APBA1: variants seen among roughly 807,000 people sequenced by gnomAD.
The protein encoded by APBA1 is amyloid-beta A4 precursor protein-binding family A member 1.
A neutral mutation model predicts 86.6 loss-of-function variants in APBA1; 55 were observed. The ratio of observed to expected loss-of-function variants is 0.64; its 90% CI spans 0.51 to 0.80. The LOEUF is 0.80. Ranked by LOEUF, APBA1 falls within the 30% of genes least tolerant of loss-of-function variation. APBA1 has a pLI of 0.00. For missense variants in APBA1, 1,090 were observed against 1,183.0 expected (o/e 0.92, Z 1.15); for synonymous variants, 511 against 493.9 (o/e 1.03, Z -0.46).
At chr9:69,470,217 A>G (rs1404029830) in intron 4 of APBA1, among the ~76,000 whole-genome samples, 1 of 152,182 alleles carries the variant, frequency 6.6e-6, no homozygotes, top group Non-Finnish European at 1.5e-5. Context: ...TAAAAGCCCC[A>G]ATTTCATAAG....
chr9:69,447,213 A>T (rs1834924692), intron 10 of APBA1, among the ~76,000 whole-genome samples: 1 of 152,090 alleles, frequency 6.6e-6, no homozygotes, highest in South Asian at 2.1e-4. Flanking sequence ...TCACATTGGG[A>T]TTAGGGTTTC....
At chr9:69,629,410 T>A (rs771607786) in intron 1 of APBA1, among the ~76,000 whole-genome samples, 4 of 152,248 alleles carry the variant, frequency 2.6e-5, no homozygotes, top group Non-Finnish European at 5.9e-5. Flanking sequence ...TTCTGAGCAA[T>A]ATTTATTAAA....
At chr9:69,655,312 G>A (rs1237795852) in intron 1 of APBA1, among the ~76,000 whole-genome samples, 2 of 151,070 alleles carry the variant, frequency 1.3e-5, no homozygotes, top group Non-Finnish European at 1.5e-5. Flanking sequence ...ATACACATAT[G>A]TATGTGTGTA....
intron 1 of APBA1, among the ~76,000 whole-genome samples, chr9:69,551,382 T>G (rs946894514): frequency 1.9e-4 from 29 of 151,922 alleles, no homozygotes; most frequent in African/African-American, 6.5e-4. Flanking sequence ...TGAAACCCTG[T>G]CTCTACTAAA....
chr9:69,428,304 AC>A lies in APBA1; in HGVS notation c.*3022del, dbSNP rs1834523766. ...CAATGTTCAGAAAGCAAACCCGTGC[AC>A]AGGGACCCGGCACCCCTGCCATGCA... On this transcript the variant is annotated 3_prime_UTR_variant, in exon 13 of 13. Coordinates refer to ENST00000265381, the MANE Select transcript of APBA1 (RefSeq NM_001163.4). 1 of 152,274 alleles carries A rather than the reference AC, an allele frequency of 6.6e-6. No homozygotes were observed. Among genetic ancestry groups the A allele is most frequent in the South Asian group, 2.1e-4 (1 of 4,824 alleles). The allele number at this position is 152,274 out of a possible 1,614,324, so 9.4% of individuals were successfully genotyped here. A position where few individuals can be genotyped will look rare whatever the true frequency, so the allele number is the denominator to read the frequency against.
At chr9:69,628,249 C>T (rs957118261) in intron 1 of APBA1, among the ~76,000 whole-genome samples, 6 of 152,082 alleles carry the variant, frequency 3.9e-5, no homozygotes, top group African/African-American at 1.4e-4. Flanking sequence ...TAGCTTCTTC[C>T]CCAGCCAAGC....
chr9:69,449,380 A>G (rs550890886), intron 10 of APBA1, among the ~76,000 whole-genome samples: 5 of 152,266 alleles, frequency 3.3e-5, no homozygotes, highest in African/African-American at 9.6e-5. Context: ...CACTTCCCCT[A>G]ATCTAAATTG....
At chr9:69,515,691 GGGGGGGGGGGGGGC>G (rs1836125974) in intron 2 of APBA1, among the ~76,000 whole-genome samples, 1 of 6,458 alleles carries the variant, frequency 1.5e-4, no homozygotes, top group Non-Finnish European at 3.8e-4. Flanking sequence ...ATCAGAAACT[GGGGGGGGGGGGGGC>G]GGGGGGTGGA....
At chr9:69,554,850 GC>G (rs1836838294) in intron 1 of APBA1, among the ~76,000 whole-genome samples, 1 of 152,034 alleles carries the variant, frequency 6.6e-6, no homozygotes. Flanking sequence ...TTTTATGAGA[GC>G]TTTTTCTATT....
At chr9:69,463,656 G>A (rs1181291759) in intron 5 of APBA1, 1 of 152,164 alleles carries the variant, frequency 6.6e-6, no homozygotes, top group African/African-American at 2.4e-5. Flanking sequence ...CGCGTGGTGA[G>A]CAGTTCTCAT....
intron 11 of APBA1, among the ~76,000 whole-genome samples, chr9:69,435,220 G>A (rs1834684701): frequency 6.6e-6 from 1 of 152,038 alleles, no homozygotes; most frequent in African/African-American, 2.4e-5. Context: ...TTGGTTCCAA[G>A]TCTTTGCTAT....
At chr9:69,502,322 C>T (rs1835891460) in intron 2 of APBA1, among the ~76,000 whole-genome samples, 1 of 152,052 alleles carries the variant, frequency 6.6e-6, no homozygotes, top group Non-Finnish European at 1.5e-5. Context: ...GCTGAACCGA[C>T]AGGTGAAACT....
At chr9:69,598,748 A>C (rs887238163) in intron 1 of APBA1, among the ~76,000 whole-genome samples, 1 of 152,208 alleles carries the variant, frequency 6.6e-6, no homozygotes, top group Non-Finnish European at 1.5e-5. Context: ...GAGATGGAAA[A>C]GGTATCCAGA....
chr9:69,559,569 T>A (rs537334193), intron 1 of APBA1, among the ~76,000 whole-genome samples: 109 of 152,356 alleles, frequency 7.2e-4, no homozygotes, highest in Middle Eastern at 3.4e-3. Flanking sequence ...GTGTATTCCA[T>A]GTCATTATCA....
intron 9 of APBA1, among the ~76,000 whole-genome samples, chr9:69,451,142 G>A (rs960116380): frequency 1.3e-5 from 2 of 152,246 alleles, no homozygotes; most frequent in South Asian, 4.1e-4. Context: ...CAGCTCCCTC[G>A]CTCCAAGGTG....
At chr9:69,561,303 C>A (rs1432349537) in intron 1 of APBA1, among the ~76,000 whole-genome samples, 2 of 152,286 alleles carry the variant, frequency 1.3e-5, no homozygotes, top group South Asian at 4.1e-4. Context: ...TATGATGGTG[C>A]AAGCATTTTA....
chr9:69,591,656 A>C (rs1377400510), intron 1 of APBA1, among the ~76,000 whole-genome samples: 1 of 152,212 alleles, frequency 6.6e-6, no homozygotes, highest in African/African-American at 2.4e-5. Context: ...GGAATCTGGG[A>C]ACAGATTTTA....
chr9:69,514,426 A>C (rs1368067770), intron 2 of APBA1, among the ~76,000 whole-genome samples: 1 of 152,138 alleles, frequency 6.6e-6, no homozygotes, highest in Non-Finnish European at 1.5e-5. Context: ...CCCCACTCCT[A>C]CTAAAAATAC....
intron 1 of APBA1, among the ~76,000 whole-genome samples, chr9:69,550,216 G>A (rs1836763485): frequency 6.6e-6 from 1 of 152,104 alleles, no homozygotes; most frequent in African/African-American, 2.4e-5. Context: ...AAAGTGTTGT[G>A]CACATATTAA....
Sources: allele counts gnomAD v4.1 joint callset (sites outside exome capture counted in the v4.1 genomes callset), GRCh38; gene constraint gnomAD v4.1.1; transcripts MANE v1.5; gene names NCBI Gene and HGNC (gene_info 2026-07-23, HGNC 2026-07-21).